NINJ2: variants seen among roughly 807,000 people sequenced by gnomAD.
The protein encoded by NINJ2 is ninjurin-2.
A neutral mutation model predicts 11.7 loss-of-function variants in NINJ2; 12 were observed. That is an observed-to-expected ratio of 1.02 (90% CI 0.66 to 1.66). NINJ2 has a LOEUF of 1.66. Ranked by LOEUF, NINJ2 falls within the 40% of genes most tolerant of loss-of-function variation. NINJ2 has a pLI of 0.00. For missense variants in NINJ2, 187 were observed against 181.8 expected (o/e 1.03, Z -0.16); for synonymous variants, 93 against 76.8 (o/e 1.21, Z -1.10).
rs576847495 is a variant in NINJ2, at chr12:580,010, C to T, written c.34-13832G>A. On this transcript the variant is annotated intron_variant, in intron 1 of 3. Coordinates refer to ENST00000305108, the MANE Select transcript of NINJ2 (RefSeq NM_016533.6). The surrounding 1 kb of genome is among the most constrained non-coding windows in gnomAD (Gnocchi z 4.7). Reference sequence around the variant, plus strand: ...AGACAGGAGCTGCTGGGGCCTCTGGCTGCTGGTTCAAAAGACGGTTTGGAT... The same window carrying T: ...AGACAGGAGCTGCTGGGGCCTCTGGTTGCTGGTTCAAAAGACGGTTTGGAT... Among the ~76,000 whole-genome samples, 1 of 152,298 alleles carries T rather than the reference C, an allele frequency of 6.6e-6. No homozygotes were observed. The highest frequency in any genetic ancestry group is 1.9e-4 in the East Asian group (1 of 5,192).
chr12:655,046 T>A (rs1416377711), intron 1 of NINJ2, among the ~76,000 whole-genome samples: 1 of 152,058 alleles, frequency 6.6e-6, no homozygotes, highest in Non-Finnish European at 1.5e-5. Context: ...ATAAAAACTC[T>A]CAGTACACTA....
Position 663,440 on chromosome 12 carries a change from GTC to G in NINJ2, c.-82_-81del. 6.2e-7 allele frequency: 1 copy of G among 1,613,980 alleles called. No individual in the cohort carries two copies. Among genetic ancestry groups the G allele is most frequent in the Non-Finnish European group, 8.5e-7 (1 of 1,179,906 alleles). On this transcript the variant is annotated 5_prime_UTR_variant, in exon 1 of 4. Transcript: ENST00000305108. Reference sequence around the variant, plus strand: ...GGCTCCTCCAGGCTCCGCCGTCTGAGTCTCTGCTGCTTTCTTCGGGTGGGAGA... The same window carrying G: ...GGCTCCTCCAGGCTCCGCCGTCTGAGTCTGCTGCTTTCTTCGGGTGGGAGA...
rs1166207389 is a variant in NINJ2 at position 633,066 on chromosome 12, G to C, written c.33+30262C>G. The stretch of plus-strand genomic sequence containing the variant: ...AGGTCGTGAAATATACCTCAGCCTG[G>C]CATTGGGCTTGGGGCAAAGATCTAG... On this transcript the variant is annotated intron_variant, in intron 1 of 3. Coordinates refer to ENST00000305108, the MANE Select transcript of NINJ2 (RefSeq NM_016533.6). The surrounding 1 kb of genome is among the most constrained non-coding windows in gnomAD (Gnocchi z 4.3). 2.0e-5 allele frequency among the ~76,000 whole-genome samples: 3 copies of C among 152,142 alleles called. No individual in the cohort carries two copies. Among genetic ancestry groups the C allele is most frequent in the Non-Finnish European group, 4.4e-5 (3 of 68,028 alleles).
intron 1 of NINJ2, among the ~76,000 whole-genome samples, chr12:577,761 G>A (rs535855599): frequency 4.0e-5 from 5 of 125,958 alleles, no homozygotes; most frequent in South Asian, 5.6e-4. Flanking sequence ...TCACCATGTC[G>A]GCCAGGCTAA....
At chr12:576,742 C>T (rs1212956127) in intron 1 of NINJ2, among the ~76,000 whole-genome samples, 1 of 152,252 alleles carries the variant, frequency 6.6e-6, no homozygotes, top group East Asian at 1.9e-4. Context: ...CTGTTGTCAT[C>T]TCGGGGTTCA....
chr12:601,439 A>AG (rs1279825981), intron 1 of NINJ2, among the ~76,000 whole-genome samples: 7 of 150,496 alleles, frequency 4.7e-5, no homozygotes, highest in Admixed American at 4.6e-4. Flanking sequence ...TCCCAGCTAC[A>AG]GGGGAGGCTG....
At chr12:654,244 G>A (rs894100159) in intron 1 of NINJ2, among the ~76,000 whole-genome samples, 12 of 152,134 alleles carry the variant, frequency 7.9e-5, no homozygotes, top group Non-Finnish European at 7.3e-5. Context: ...AATGGATGGG[G>A]TCAGGCACGG....
chr12:578,020 C>T (rs549393739), intron 1 of NINJ2, among the ~76,000 whole-genome samples: 68 of 152,242 alleles, frequency 4.5e-4, no homozygotes, highest in African/African-American at 1.5e-3. Flanking sequence ...GCAGACAGCC[C>T]GGCCCCATAC....
chr12:659,373 G>C (rs1937926003), intron 1 of NINJ2, among the ~76,000 whole-genome samples: 1 of 152,214 alleles, frequency 6.6e-6, no homozygotes, highest in Non-Finnish European at 1.5e-5. Flanking sequence ...CCCAAGAGGA[G>C]CTGCATTTTG....
At chr12:576,440 G>A (rs533727267) in intron 1 of NINJ2, among the ~76,000 whole-genome samples, 2 of 152,278 alleles carry the variant, frequency 1.3e-5, no homozygotes, top group Admixed American at 1.3e-4. Flanking sequence ...GGAAGAACAG[G>A]AAAGCACGTG....
At chr12:632,860 G>A (rs777682001) in intron 1 of NINJ2, among the ~76,000 whole-genome samples, 1 of 152,208 alleles carries the variant, frequency 6.6e-6, no homozygotes, top group Non-Finnish European at 1.5e-5. Flanking sequence ...CTGGAGTGTG[G>A]AAGCTTTGGA....
intron 1 of NINJ2, among the ~76,000 whole-genome samples, chr12:613,990 C>A (rs570343654): frequency 1.1e-4 from 16 of 152,130 alleles, no homozygotes; most frequent in African/African-American, 2.2e-4. Context: ...AATGATGGTA[C>A]CTCCACCATG....
At chr12:586,735 G>C (rs1169216808) in intron 1 of NINJ2, among the ~76,000 whole-genome samples, 1 of 152,236 alleles carries the variant, frequency 6.6e-6, no homozygotes, top group East Asian at 1.9e-4. Context: ...TGGGACAAAG[G>C]CTTCTGTGAC....
chr12:601,524 G>A (rs1335258680), intron 1 of NINJ2, among the ~76,000 whole-genome samples: 2 of 145,862 alleles, frequency 1.4e-5, no homozygotes, highest in East Asian at 4.2e-4. Context: ...CTCCAGCCTG[G>A]GCCACAGAAG....
intron 1 of NINJ2, among the ~76,000 whole-genome samples, chr12:611,843 CTTG>C (rs1294226176): frequency 6.6e-6 from 1 of 152,204 alleles, no homozygotes; most frequent in Non-Finnish European, 1.5e-5. Flanking sequence ...GCCATTATTA[CTTG>C]TTGTAGGAGG....
At chr12:589,291 C>T (rs1592081794) in intron 1 of NINJ2, among the ~76,000 whole-genome samples, 1 of 152,116 alleles carries the variant, frequency 6.6e-6, no homozygotes, top group African/African-American at 2.4e-5. Flanking sequence ...AGGTAGATCC[C>T]TATGATTAGA....
chr12:655,583 A>G (rs1937861673), intron 1 of NINJ2, among the ~76,000 whole-genome samples: 1 of 152,138 alleles, frequency 6.6e-6, no homozygotes, highest in African/African-American at 2.4e-5. Flanking sequence ...TATTATGAGG[A>G]AAACTACAAA....
At position 643,447 on chromosome 12, in the gene NINJ2, C is replaced by A; in HGVS notation, c.33+19881G>T. On this transcript the variant is annotated intron_variant, in intron 1 of 3. Transcript: ENST00000305108. ...GCTCCGCCGCGACGCGGCTCACAAACTAGGGAGGGGAGAAGGGAAGAAAGA... is the reference window on the plus strand; with the variant it reads ...GCTCCGCCGCGACGCGGCTCACAAAATAGGGAGGGGAGAAGGGAAGAAAGA... 4 of 988,262 alleles carry A rather than the reference C, an allele frequency of 4.0e-6. No individual in the cohort carries two copies. The South Asian group carries it at 1.9e-4, about 46-fold the overall frequency. The allele number at this position is 988,262 out of a possible 1,614,324, so 61.2% of individuals were successfully genotyped here.
intron 1 of NINJ2, among the ~76,000 whole-genome samples, chr12:623,245 T>G (rs1261233823): frequency 1.3e-5 from 2 of 152,102 alleles, no homozygotes; most frequent in Admixed American, 1.3e-4. Flanking sequence ...TAAGTTTCTG[T>G]CCTAGGAGCT....
Sources: allele counts gnomAD v4.1 joint callset (sites outside exome capture counted in the v4.1 genomes callset), GRCh38; gene constraint gnomAD v4.1.1; non-coding constraint Gnocchi (gnomAD v3.1); transcripts MANE v1.5; gene names NCBI Gene and HGNC (gene_info 2026-07-23, HGNC 2026-07-21).